The following ARHGAP26 variants were observed in gnomAD, a reference collection of about 807,000 sequenced individuals.
ARHGAP26 encodes the protein rho GTPase-activating protein 26.
A neutral mutation model predicts 104.8 loss-of-function variants in ARHGAP26; 38 were observed. That is an observed-to-expected ratio of 0.36 (90% confidence interval 0.28 to 0.48). ARHGAP26 has a LOEUF of 0.48. Ranked by LOEUF, ARHGAP26 falls within the 20% of genes least tolerant of loss-of-function variation. ARHGAP26 has a pLI of 0.99. For synonymous variants in ARHGAP26, 341 were observed against 340.0 expected (o/e 1.00, Z -0.03); for missense variants, 704 against 947.9 (o/e 0.74, Z 3.38).
chr5:143,109,513 G>A (rs1425213974), intron 17 of ARHGAP26, among the ~76,000 whole-genome samples: 2 of 151,868 alleles, frequency 1.3e-5, no homozygotes, highest in Non-Finnish European at 2.9e-5. Flanking sequence ...GGAGTGCAGT[G>A]GTGCGATCTC....
chr5:142,973,566 C>A (rs910883465), intron 11 of ARHGAP26, among the ~76,000 whole-genome samples: 3 of 152,160 alleles, frequency 2.0e-5, no homozygotes, highest in African/African-American at 7.2e-5. Flanking sequence ...ACTCCATGCA[C>A]AAGTGTTAGT....
At chr5:142,787,062 T>C (rs1758819663) in intron 1 of ARHGAP26, among the ~76,000 whole-genome samples, 1 of 152,198 alleles carries the variant, frequency 6.6e-6, no homozygotes, top group South Asian at 2.1e-4. Context: ...CAGCACTGTC[T>C]AGGGCTCCCT....
chr5:142,810,070 C>G (rs1763768588), intron 1 of ARHGAP26, among the ~76,000 whole-genome samples: 1 of 152,170 alleles, frequency 6.6e-6, no homozygotes, highest in African/African-American at 2.4e-5. Context: ...CACAACTCAC[C>G]CTTAGCTGCC....
chr5:143,006,461 A>G (rs1174776078), intron 11 of ARHGAP26, among the ~76,000 whole-genome samples: 1 of 151,882 alleles, frequency 6.6e-6, no homozygotes, highest in African/African-American at 2.4e-5. Flanking sequence ...AGGTCTTGAC[A>G]TTGGTTCAGG....
At chr5:142,861,455 A>G (rs1255875305) in intron 1 of ARHGAP26, among the ~76,000 whole-genome samples, 1 of 150,758 alleles carries the variant, frequency 6.6e-6, no homozygotes, top group Non-Finnish European at 1.5e-5. Context: ...AGGAGTTGCC[A>G]CCTTGCTTCC....
intron 18 of ARHGAP26, among the ~76,000 whole-genome samples, chr5:143,127,603 A>G (rs1309584453): frequency 6.6e-6 from 1 of 152,218 alleles, no homozygotes; most frequent in Admixed American, 6.5e-5. Flanking sequence ...ACTAAGCACT[A>G]AATCCTAAGC....
intron 9 of ARHGAP26, among the ~76,000 whole-genome samples, chr5:142,912,380 G>A (rs541416208): frequency 2.0e-5 from 3 of 152,336 alleles, no homozygotes; most frequent in African/African-American, 7.2e-5. Flanking sequence ...GTTACAGAAA[G>A]CAGATTCAGC....
At chr5:142,772,011 C>G (rs1454124028) in intron 1 of ARHGAP26, among the ~76,000 whole-genome samples, 1 of 152,222 alleles carries the variant, frequency 6.6e-6, no homozygotes, top group Non-Finnish European at 1.5e-5. Flanking sequence ...GTCTCTGACT[C>G]TGTTACTGTA....
chr5:143,080,619 C>T (rs1489229198), intron 17 of ARHGAP26, among the ~76,000 whole-genome samples: 10 of 152,162 alleles, frequency 6.6e-5, no homozygotes, highest in East Asian at 1.9e-4. Flanking sequence ...ACACCCTGGG[C>T]GTGGTCACGG....
intron 20 of ARHGAP26, among the ~76,000 whole-genome samples, chr5:143,169,227 C>G (rs766620772): frequency 2.0e-5 from 3 of 152,190 alleles, no homozygotes; most frequent in Non-Finnish European, 4.4e-5. Flanking sequence ...TATTCAAGAC[C>G]CTGTATGTCA....
At chr5:143,055,580 A>T (rs1054159517) in intron 15 of ARHGAP26, among the ~76,000 whole-genome samples, 1 of 152,208 alleles carries the variant, frequency 6.6e-6, no homozygotes, top group African/African-American at 2.4e-5. Context: ...GCAATACTCC[A>T]TAGTGAATTC....
intron 17 of ARHGAP26, among the ~76,000 whole-genome samples, chr5:143,085,234 C>T (rs995956396): frequency 2.6e-5 from 4 of 151,956 alleles, no homozygotes; most frequent in South Asian, 2.1e-4. Flanking sequence ...TTGTCCCACT[C>T]GGCCTGGCCT....
chr5:143,163,859 G>A (rs1801583007), intron 20 of ARHGAP26, among the ~76,000 whole-genome samples: 1 of 151,874 alleles, frequency 6.6e-6, no homozygotes, highest in East Asian at 1.9e-4. Flanking sequence ...TTCCCACTGA[G>A]ACCTCTATGG....
rs750334908 is a variant in ARHGAP26 at position 142,875,185 on chromosome 5, G to A, written c.312+14G>A. 5 of 1,613,100 alleles carry A rather than the reference G, an allele frequency of 3.1e-6. No homozygotes were observed. The South Asian group carries it at 3.3e-5, about 11-fold the overall frequency. On this transcript the variant is annotated intron_variant, in intron 3 of 22. Coordinates refer to ENST00000645722, the MANE Select transcript of ARHGAP26 (RefSeq NM_001135608.3). The stretch of plus-strand genomic sequence containing the variant: ...CGGATACGGATGGTGAGTAGGGCTG[G>A]GCTACTCTTGGTCCCAGATAGTATA...
At chr5:143,051,365 T>G (rs934689653) in intron 14 of ARHGAP26, among the ~76,000 whole-genome samples, 1 of 152,244 alleles carries the variant, frequency 6.6e-6, no homozygotes, top group Non-Finnish European at 1.5e-5. Flanking sequence ...GGAAATAACA[T>G]TCATTCTGCT....
chr5:143,097,990 A>G (rs560772352), intron 17 of ARHGAP26, among the ~76,000 whole-genome samples: 11 of 152,236 alleles, frequency 7.2e-5, no homozygotes, highest in Non-Finnish European at 1.5e-4. Context: ...TAGAATTCCA[A>G]TTTTTAAAAA....
intron 20 of ARHGAP26, among the ~76,000 whole-genome samples, chr5:143,199,986 G>T (rs113728752): frequency 7.0e-4 from 106 of 152,244 alleles, no homozygotes; most frequent in African/African-American, 2.4e-3. Flanking sequence ...TTATCCATCA[G>T]CCTGTCTCCT....
At chr5:143,205,990 CTGAT>C (rs1273077842) in intron 20 of ARHGAP26, among the ~76,000 whole-genome samples, 3 of 152,188 alleles carry the variant, frequency 2.0e-5, no homozygotes, top group Admixed American at 1.3e-4. Context: ...TTGAGCCTCT[CTGAT>C]GAACTCACAC....
intron 1 of ARHGAP26, among the ~76,000 whole-genome samples, chr5:142,774,326 G>T (rs1463959860): frequency 6.6e-6 from 1 of 151,906 alleles, no homozygotes; most frequent in Non-Finnish European, 1.5e-5. Flanking sequence ...TTCTTAGTTG[G>T]ACTGAAAAAA....
Sources: gnomAD v4.1 joint callset for allele counts (sites outside exome capture counted in the v4.1 genomes callset) on GRCh38, gnomAD v4.1.1 for gene constraint, MANE v1.5 for transcripts, NCBI Gene and HGNC (gene_info 2026-07-23, HGNC 2026-07-21) for gene names.